The following GPR39 variants were observed in gnomAD, a reference collection of about 807,000 sequenced individuals.
GPR39 encodes the protein zinc sensing receptor.
GPR39 carries 23 observed loss-of-function variants against 18.4 expected under a neutral mutation model. That is an observed-to-expected ratio of 1.25 (90% CI 0.90 to 1.77). GPR39 has a LOEUF of 1.77. Ranked by LOEUF, GPR39 falls within the 40% of genes most tolerant of loss-of-function variation. The pLI is 0.00. For synonymous variants in GPR39, 280 were observed against 257.9 expected (o/e 1.09, Z -0.82); for missense variants, 647 against 602.4 (o/e 1.07, Z -0.78).
chr2:132,611,329 G>A (rs562432736), intron 1 of GPR39, among the ~76,000 whole-genome samples: 6 of 152,296 alleles, frequency 3.9e-5, no homozygotes, highest in Admixed American at 2.0e-4. Flanking sequence ...AACCACGCCA[G>A]GTGGTGAAGA....
intron 1 of GPR39, among the ~76,000 whole-genome samples, chr2:132,627,587 G>A (rs1681575209): frequency 6.6e-6 from 1 of 152,164 alleles, no homozygotes; most frequent in Admixed American, 6.5e-5. Context: ...AAGATAAGAG[G>A]GTTCATAACT....
chr2:132,472,299 CT>C (rs1244030493), intron 1 of GPR39, among the ~76,000 whole-genome samples: 2 of 152,318 alleles, frequency 1.3e-5, no homozygotes, highest in Admixed American at 1.3e-4. Flanking sequence ...GTGAGCCCTT[CT>C]GTAGGTCCCT....
At chr2:132,519,764 A>T (rs1207022542) in intron 1 of GPR39, among the ~76,000 whole-genome samples, 2 of 152,172 alleles carry the variant, frequency 1.3e-5, no homozygotes, top group Non-Finnish European at 2.9e-5. Flanking sequence ...ACACTCTGAT[A>T]AGCTTCAGCC....
chr2:132,637,858 A>G (rs763378159), intron 1 of GPR39, among the ~76,000 whole-genome samples: 4 of 152,144 alleles, frequency 2.6e-5, no homozygotes, highest in Non-Finnish European at 5.9e-5. Context: ...CCTGTTAGCT[A>G]TTAAGGAACT....
chr2:132,638,816 C>T (rs377317372), intron 1 of GPR39, among the ~76,000 whole-genome samples: 4 of 152,350 alleles, frequency 2.6e-5, no homozygotes, highest in South Asian at 4.1e-4. Flanking sequence ...GCTTCTCACC[C>T]TACTACATGC....
chr2:132,443,966 T>C (rs1235391304), intron 1 of GPR39, among the ~76,000 whole-genome samples: 4 of 152,174 alleles, frequency 2.6e-5, no homozygotes, highest in South Asian at 2.1e-4. Flanking sequence ...TCCTAGCTAC[T>C]TGGGAGGCTG....
chr2:132,478,895 G>A (rs1017087276), intron 1 of GPR39, among the ~76,000 whole-genome samples: 2 of 151,998 alleles, frequency 1.3e-5, no homozygotes, highest in African/African-American at 2.4e-5. Context: ...TACAATAGCC[G>A]GCTGTTCAGT....
At chr2:132,453,879 T>C (rs964637919) in intron 1 of GPR39, among the ~76,000 whole-genome samples, 2 of 152,242 alleles carry the variant, frequency 1.3e-5, no homozygotes, top group African/African-American at 4.8e-5. Flanking sequence ...TTTTGGTTAC[T>C]GTAGCCTCGT....
intron 1 of GPR39, among the ~76,000 whole-genome samples, chr2:132,602,879 A>AC (rs1042323961): frequency 6.6e-6 from 1 of 151,488 alleles, no homozygotes; most frequent in Non-Finnish European, 1.5e-5. Flanking sequence ...GAGAAAAAAA[A>AC]AAAAAACAAA....
chr2:132,613,889 A>G (rs1342159569), intron 1 of GPR39, among the ~76,000 whole-genome samples: 1 of 152,226 alleles, frequency 6.6e-6, no homozygotes, highest in African/African-American at 2.4e-5. Context: ...CACAGTGTCT[A>G]CGTCTTAATA....
chr2:132,434,108 T>C (rs781197049), intron 1 of GPR39, among the ~76,000 whole-genome samples: 27 of 152,134 alleles, frequency 1.8e-4, no homozygotes, highest in Middle Eastern at 3.4e-3. Flanking sequence ...AAAGGATATC[T>C]GCCTGGAGAG....
At chr2:132,592,931 C>A (rs973326076) in intron 1 of GPR39, among the ~76,000 whole-genome samples, 7 of 152,142 alleles carry the variant, frequency 4.6e-5, no homozygotes, top group Admixed American at 1.3e-4. Flanking sequence ...CCCAGGGCCA[C>A]CTTCACTTCT....
At chr2:132,424,564 CAT>C (rs1680076865) in intron 1 of GPR39, among the ~76,000 whole-genome samples, 1 of 152,206 alleles carries the variant, frequency 6.6e-6, no homozygotes, top group Non-Finnish European at 1.5e-5. Flanking sequence ...TGCCTAACTT[CAT>C]ATCTCTCCCT....
chr2:132,562,657 G>A (rs375364279), intron 1 of GPR39, among the ~76,000 whole-genome samples: 1 of 152,030 alleles, frequency 6.6e-6, no homozygotes, highest in East Asian at 1.9e-4. Flanking sequence ...ACCCAGTGCT[G>A]TCACCACCAA....
In GPR39 at chr2:132,417,373, C is replaced by T; in HGVS notation, c.331C>T (p.His111Tyr). 2 of 1,614,194 alleles carry T rather than the reference C, an allele frequency of 1.2e-6. No homozygotes were observed. Among genetic ancestry groups the T allele is most frequent in the South Asian group, 1.1e-5 (1 of 91,084 alleles). The change falls in exon 1 of 2, where the codon CAC (histidine) becomes TAC (tyrosine). Residue 111 changes from histidine to tyrosine, a missense_variant. Transcript: ENST00000329321. The stretch of plus-strand genomic sequence containing the variant: ...CAGCTACACCCTGTCCTGCAAGCTG[C>T]ACACTTTCCTCTTCGAGGCCTGCAG... Reference protein sequence around the residue: ...TSSYTLSCKLHTFLFEACSYA... With the variant: ...TSSYTLSCKLYTFLFEACSYA...
At chr2:132,609,030 G>C (rs894765549) in intron 1 of GPR39, among the ~76,000 whole-genome samples, 25 of 152,332 alleles carry the variant, frequency 1.6e-4, no homozygotes, top group African/African-American at 5.8e-4. Context: ...GTTGTTCAGA[G>C]AGCAGTGAGA....
intron 1 of GPR39, among the ~76,000 whole-genome samples, chr2:132,583,382 CA>C (rs10707930): frequency 0.29 from 41,979 of 143,234 alleles, 6,837 homozygotes; most frequent in East Asian, 0.74. Context: ...ACATATCCCT[CA>C]AAAAAAAAAA....
At chr2:132,624,100 A>G (rs952428298) in intron 1 of GPR39, among the ~76,000 whole-genome samples, 2 of 152,176 alleles carry the variant, frequency 1.3e-5, no homozygotes, top group African/African-American at 4.8e-5. Flanking sequence ...TAAACAACAG[A>G]CATATATTGT....
chr2:132,451,077 G>A (rs35427291), intron 1 of GPR39, among the ~76,000 whole-genome samples: 40,247 of 151,938 alleles, frequency 0.26, 5,382 homozygotes, highest in Middle Eastern at 0.39. Context: ...AGGTAGAGGG[G>A]ATGCTATTTT....
Sources: allele counts gnomAD v4.1 joint callset (sites outside exome capture counted in the v4.1 genomes callset), GRCh38; gene constraint gnomAD v4.1.1; transcripts MANE v1.5; gene names NCBI Gene and HGNC (gene_info 2026-07-23, HGNC 2026-07-21).